Variants in ASCC3 observed in about 807,000 individuals in gnomAD.
ASCC3 encodes activating signal cointegrator 1 complex subunit 3.
Under a neutral mutation model 256.3 loss-of-function variants are expected in ASCC3, and 158 were observed. The observed-to-expected ratio is 0.62, with a 90% CI of 0.54 to 0.70. The LOEUF is 0.70. ASCC3 is among the 30% of genes least tolerant of loss of function. The pLI, the probability that ASCC3 is intolerant of heterozygous loss-of-function variation, is 0.00. For synonymous variants in ASCC3, 948 were observed against 883.4 expected (o/e 1.07, Z -1.30); for missense variants, 2,259 against 2,626.0 (o/e 0.86, Z 3.05).
intron 8 of ASCC3, among the ~76,000 whole-genome samples, chr6:100,781,980 A>T (rs1297989722): frequency 2.0e-5 from 3 of 152,030 alleles, no homozygotes; most frequent in Non-Finnish European, 4.4e-5. Flanking sequence ...AACATATGCT[A>T]TTATTTTAAA....
intron 13 of ASCC3, among the ~76,000 whole-genome samples, chr6:100,706,673 G>A (rs1430644948): frequency 6.6e-6 from 1 of 151,984 alleles, no homozygotes; most frequent in African/African-American, 2.4e-5. Flanking sequence ...TTCAGCAGAA[G>A]CTGCCACATA....
At chr6:100,574,734 G>A (rs1770770224) in intron 36 of ASCC3, among the ~76,000 whole-genome samples, 1 of 151,512 alleles carries the variant, frequency 6.6e-6, no homozygotes, top group African/African-American at 2.4e-5. Flanking sequence ...ATTCCAGATA[G>A]TATTACAAAT....
intron 37 of ASCC3, among the ~76,000 whole-genome samples, chr6:100,521,946 C>T (rs1224060538): frequency 2.0e-5 from 3 of 152,172 alleles, no homozygotes; most frequent in Admixed American, 6.5e-5. Flanking sequence ...CTGGGGATGG[C>T]TTTGGTAACA....
chr6:100,717,821 A>G (rs191403262), intron 12 of ASCC3, among the ~76,000 whole-genome samples: 1 of 152,182 alleles, frequency 6.6e-6, no homozygotes, highest in Non-Finnish European at 1.5e-5. Flanking sequence ...CGTAACATAC[A>G]TGGAAAACAC....
intron 10 of ASCC3, among the ~76,000 whole-genome samples, chr6:100,747,377 T>C (rs7738319): frequency 0.35 from 52,687 of 151,908 alleles, 10,778 homozygotes; most frequent in Middle Eastern, 0.53. Context: ...GTCAGGCAAT[T>C]CCACTCCTAG....
Position 100,856,069 on chromosome 6 carries a change from A to G in ASCC3, c.242-7362T>C, listed in dbSNP as rs9485418. Among the ~76,000 whole-genome samples the G allele has an allele frequency of 4.9e-3, 742 of 152,298 alleles. 9 individuals are homozygous for G. The highest frequency in any genetic ancestry group is 0.017 in the African/African-American group (718 of 41,562). On this transcript the variant is annotated intron_variant, in intron 3 of 41. Transcript: ENST00000369162. Reference sequence around the variant, plus strand: ...ACACAGATATAATGCCTAGATGTGGAGCAGATATCTGGTGAATAAAAGGCA... The same window carrying G: ...ACACAGATATAATGCCTAGATGTGGGGCAGATATCTGGTGAATAAAAGGCA...
intron 10 of ASCC3, among the ~76,000 whole-genome samples, chr6:100,751,780 A>G (rs1461219317): frequency 4.0e-4 from 3 of 7,520 alleles, no homozygotes; most frequent in Non-Finnish European, 7.8e-3. Flanking sequence ...GCTGCCTATA[A>G]TTTAACAGTT....
In ASCC3 at chr6:100,665,654, C is replaced by T. The variant is rs542909861; in HGVS notation, c.2287-3118G>A. On this transcript the variant is annotated intron_variant, in intron 14 of 41. Coordinates refer to ENST00000369162, the MANE Select transcript of ASCC3 (RefSeq NM_006828.4). ...ACTCGGGAGGCTGAGGCAAGAGAATCACTTGAACCCAGGAGGTGGAGGCTG... is the reference window on the plus strand; with the variant it reads ...ACTCGGGAGGCTGAGGCAAGAGAATTACTTGAACCCAGGAGGTGGAGGCTG... Among the ~76,000 whole-genome samples the T allele has an allele frequency of 1.9e-3, 281 of 151,520 alleles. 1 individual carries two copies. Among genetic ancestry groups the T allele is most frequent in the South Asian group, 5.6e-3 (27 of 4,786 alleles).
chr6:100,515,817 G>A (rs1773995447), intron 39 of ASCC3, among the ~76,000 whole-genome samples: 1 of 152,138 alleles, frequency 6.6e-6, no homozygotes, highest in African/African-American at 2.4e-5. Context: ...GCAGACGAGT[G>A]ATGGACAAGC....
At chr6:100,613,271 G>C (rs146772518) in intron 30 of ASCC3, among the ~76,000 whole-genome samples, 2,334 of 151,670 alleles carry the variant, frequency 0.015, 24 homozygotes, top group East Asian at 0.045. Flanking sequence ...ACCCTTCCAA[G>C]TCTCCATTGT....
In ASCC3 at chr6:100,675,130, G is replaced by GTTTTTTT. The variant is rs562151800; in HGVS notation, c.2286+4481_2286+4487dup. 0.012 allele frequency among the ~76,000 whole-genome samples: 1,690 copies of GTTTTTTT among 143,630 alleles called. 77 individuals carry two copies. In the East Asian group the frequency reaches 0.14, roughly 12 times the overall value. The allele number at this position is 143,630 out of a possible 152,430, so 94.2% of individuals were successfully genotyped here. ...CAAAAATGCAATTAAGCAAACAGTT[G>GTTTTTTT]TTTTTTTTTTTTTTACAATTTTGTT... On this transcript the variant is annotated intron_variant, in intron 14 of 41. Coordinates refer to ENST00000369162, the MANE Select transcript of ASCC3 (RefSeq NM_006828.4).
chr6:100,579,625 C>T (rs1771090926), intron 36 of ASCC3, among the ~76,000 whole-genome samples: 1 of 151,246 alleles, frequency 6.6e-6, no homozygotes. Flanking sequence ...TTTTGGTTAA[C>T]AATTAGATGG....
At chr6:100,579,606 T>C (rs966908538) in intron 36 of ASCC3, among the ~76,000 whole-genome samples, 1 of 152,044 alleles carries the variant, frequency 6.6e-6, no homozygotes, top group Non-Finnish European at 1.5e-5. Flanking sequence ...GGAGTCTTTT[T>C]CCCATTTTTT....
In ASCC3 at chr6:100,555,257, G is replaced by A. The variant is rs4840135; in HGVS notation, c.5551-14870C>T. Among the ~76,000 whole-genome samples, 165 of 152,208 alleles carry A rather than the reference G, an allele frequency of 1.1e-3. 2 individuals are homozygous for A. The East Asian group carries it at 0.021, about 20-fold the overall frequency. Reference sequence around the variant, plus strand: ...TAAAGTATCAAAATAACTTTATCATGTAAATGGTAAAAATATAAGTACTAA... The same window carrying A: ...TAAAGTATCAAAATAACTTTATCATATAAATGGTAAAAATATAAGTACTAA... On this transcript the variant is annotated intron_variant, in intron 36 of 41. Transcript: ENST00000369162.
intron 13 of ASCC3, among the ~76,000 whole-genome samples, chr6:100,713,980 C>T (rs1778979919): frequency 6.6e-6 from 1 of 152,146 alleles, no homozygotes; most frequent in East Asian, 1.9e-4. Flanking sequence ...TCAAAAGTTT[C>T]TCTAGACAGC....
At position 100,652,782 on chromosome 6, in the gene ASCC3, G is replaced by A. The variant is rs150922340; in HGVS notation, c.2931C>T (p.Ser977=). Residue 977 remains serine (S), a synonymous_variant, in exon 18 of 42, where the codon TCC becomes TCT. Transcript: ENST00000369162. Reference sequence around the variant, plus strand: ...TGGCAGTTCTACCCAAATCAGTTGAGGAAAAATATCCAGTTCGCTCCTCAA... The same window carrying A: ...TGGCAGTTCTACCCAAATCAGTTGAAGAAAAATATCCAGTTCGCTCCTCAA... ...IRFEERTGYF[S]STDLGRTASH... is the part of the protein sequence containing the mutation. 5.9e-5 allele frequency: 96 copies of A among 1,613,620 alleles called. No homozygotes were observed. The highest frequency in any genetic ancestry group is 4.7e-4 in the Admixed American group (28 of 59,968).
At position 100,516,329 on chromosome 6, in the gene ASCC3, T is replaced by C; in HGVS notation, c.5928-2A>G. On this transcript the variant is annotated splice_acceptor_variant, in intron 38 of 41. Transcript: ENST00000369162. LOFTEE classifies it high-confidence loss of function. Reference sequence around the variant, plus strand: ...CCCTTCATAATCGGCTTCCATTTCCTAGGAAATAATATCAAACCAACCAAA... The same window carrying C: ...CCCTTCATAATCGGCTTCCATTTCCCAGGAAATAATATCAAACCAACCAAA... The C allele has an allele frequency of 5.6e-6, 9 of 1,613,560 alleles. No individual in the cohort carries two copies. The highest frequency in any genetic ancestry group is 7.6e-6 in the Non-Finnish European group (9 of 1,179,634).
At chr6:100,751,476 C>A (rs1270253462) in intron 10 of ASCC3, among the ~76,000 whole-genome samples, 1 of 151,896 alleles carries the variant, frequency 6.6e-6, no homozygotes, top group African/African-American at 2.4e-5. Flanking sequence ...AGAGGCAGTG[C>A]TATGCTTCTG....
intron 33 of ASCC3, among the ~76,000 whole-genome samples, chr6:100,602,655 A>C (rs1772682381): frequency 6.6e-6 from 1 of 152,060 alleles, no homozygotes. Context: ...AAAGTGAGCA[A>C]ATATATTCTC....
Sources: allele counts gnomAD v4.1 joint callset (sites outside exome capture counted in the v4.1 genomes callset), GRCh38; gene constraint gnomAD v4.1.1; transcripts MANE v1.5; gene names NCBI Gene and HGNC (gene_info 2026-07-23, HGNC 2026-07-21).